TNFRSF10B: variants seen among roughly 807,000 people sequenced by gnomAD.
TNFRSF10B encodes TNF receptor superfamily member 10b.
Under a neutral mutation model 41.4 loss-of-function variants are expected in TNFRSF10B, and 35 were observed. That is an observed-to-expected ratio of 0.85 (90% CI 0.65 to 1.12). The LOEUF is 1.12. Ranked by LOEUF, TNFRSF10B falls within the 50% of genes most tolerant of loss-of-function variation. The probability of loss-of-function intolerance (pLI) is 0.00; values close to 1 mark genes in which losing one functional copy is unlikely to be tolerated. For missense variants in TNFRSF10B, 584 were observed against 552.7 expected, an observed-to-expected ratio of 1.06 and a Z score of -0.57; for synonymous variants, 230 against 215.5, an observed-to-expected ratio of 1.07 and a Z score of -0.59.
At chr8:23,063,635 C>T (rs575953431) in intron 1 of TNFRSF10B, among the ~76,000 whole-genome samples, 1 of 152,202 alleles carries the variant, frequency 6.6e-6, no homozygotes, top group South Asian at 2.1e-4. Context: ...TCATTTCCCT[C>T]AGATCTGCCT....
chr8:23,040,020 T>C (rs926227460), intron 2 of TNFRSF10B, among the ~76,000 whole-genome samples: 2 of 151,776 alleles, frequency 1.3e-5, no homozygotes, highest in Non-Finnish European at 2.9e-5. Context: ...GGTAAAACCC[T>C]GTCTCTGCTA....
chr8:23,033,805 G>A (rs562541521), intron 2 of TNFRSF10B, among the ~76,000 whole-genome samples: 4 of 151,880 alleles, frequency 2.6e-5, no homozygotes, highest in African/African-American at 7.3e-5. Flanking sequence ...CACCAGAAGA[G>A]GGGGGGAGAG....
In TNFRSF10B at chr8:23,028,400, C is replaced by T. The variant is rs774468297; in HGVS notation, c.679G>A (p.Val227Met). ...GVTVAAVVLI[V>M]AVFVCKSLLW... ...AAAGACTTGCAAACAAACACAGCCA[C>T]AATCAAGACTACGGCTGCAACTGTG... is the stretch of plus-strand genomic sequence containing the variant. Residue 227 changes from valine to methionine, a missense_variant, in exon 5 of 9, where the codon GTG (valine) becomes ATG (methionine). Physicochemically the swap from Val to Met is conservative, Grantham distance 21. Transcript: ENST00000276431. 6.8e-6 allele frequency: 11 copies of T among 1,614,184 alleles called. No individual in the cohort carries two copies. Among genetic ancestry groups the T allele is most frequent in the Admixed American group, 3.3e-5 (2 of 60,022 alleles).
chr8:23,028,060 G>A, intron 5 of TNFRSF10B: 1 of 602,588 alleles, frequency 1.7e-6, no homozygotes, highest in Non-Finnish European at 2.9e-6. Flanking sequence ...CCCCCTGCCT[G>A]GCTGGGCCTG....
At chr8:23,066,075 G>T (rs1420309071) in intron 1 of TNFRSF10B, among the ~76,000 whole-genome samples, 1 of 152,204 alleles carries the variant, frequency 6.6e-6, no homozygotes, top group Non-Finnish European at 1.5e-5. Flanking sequence ...TTGAGCGCAG[G>T]AGTTTGAGAC....
At chr8:23,030,943 G>A in intron 2 of TNFRSF10B, 71 bp from the exon 3 acceptor site, 5 of 1,107,354 alleles carry the variant, frequency 4.5e-6, no homozygotes, top group Non-Finnish European at 6.7e-6. Context: ...GGTGGCTGGG[G>A]GACTCCTCTT....
chr8:23,040,466 C>CAAAATATATATTTATTAAATATATATAT (rs748466642), intron 2 of TNFRSF10B, among the ~76,000 whole-genome samples: 5,836 of 65,752 alleles, frequency 0.089, 2,360 homozygotes, highest in South Asian at 0.43. Context: ...AATATATATA[C>CAAAATATATATTTATTAAATATATATAT]ACAAAATATA....
chr8:23,033,175 A>T (rs1279788539), intron 2 of TNFRSF10B, among the ~76,000 whole-genome samples: 4 of 152,228 alleles, frequency 2.6e-5, no homozygotes, highest in Admixed American at 2.0e-4. Context: ...TTCTTAGATA[A>T]ATGAAAGGTA....
intron 1 of TNFRSF10B, among the ~76,000 whole-genome samples, chr8:23,048,705 T>A (rs187632730): frequency 1.3e-5 from 2 of 152,366 alleles, no homozygotes; most frequent in Admixed American, 6.5e-5. Context: ...ACATATTAGC[T>A]GATTTAATTA....
chr8:23,052,348 C>T (rs372858767), intron 1 of TNFRSF10B, among the ~76,000 whole-genome samples: 121 of 144,616 alleles, frequency 8.4e-4, no homozygotes, highest in African/African-American at 2.8e-3. Flanking sequence ...TGCAGTGGCA[C>T]AATTACTGCT....
intron 7 of TNFRSF10B, among the ~76,000 whole-genome samples, chr8:23,024,796 G>T (rs1811650974): frequency 6.6e-6 from 1 of 152,008 alleles, no homozygotes; most frequent in African/African-American, 2.4e-5. Flanking sequence ...GCCTCCCAAA[G>T]TGCTGGGATT....
intron 4 of TNFRSF10B, 113 bp from the exon 5 acceptor site, chr8:23,028,715 G>A: frequency 1.5e-6 from 2 of 1,363,024 alleles, no homozygotes; most frequent in Non-Finnish European, 2.1e-6. Flanking sequence ...TCAGGGGAAG[G>A]ACAGTCTCCT....
At chr8:23,068,461 G>T (rs967363646) in intron 1 of TNFRSF10B, 13 of 520,538 alleles carry the variant, frequency 2.5e-5, no homozygotes, top group African/African-American at 1.8e-4. Context: ...CGACCTCTCC[G>T]TGGCTTCACG....
At chr8:23,041,603 TAA>T (rs199893473) in intron 2 of TNFRSF10B, among the ~76,000 whole-genome samples, 10,186 of 121,160 alleles carry the variant, frequency 0.084, 391 homozygotes, top group East Asian at 0.13. Flanking sequence ...CTCAATGATT[TAA>T]AAAAAAAAAA....
chr8:23,059,792 A>T (rs13275605), intron 1 of TNFRSF10B, among the ~76,000 whole-genome samples: 1 of 152,184 alleles, frequency 6.6e-6, no homozygotes, highest in Admixed American at 6.5e-5. Context: ...GATTACAGGC[A>T]TGAGCCACCG....
At chr8:23,039,111 G>A (rs550070933) in intron 2 of TNFRSF10B, among the ~76,000 whole-genome samples, 14 of 151,724 alleles carry the variant, frequency 9.2e-5, no homozygotes, top group Non-Finnish European at 1.6e-4. Flanking sequence ...CATAAGGAGT[G>A]CGCAACCTAG....
intron 7 of TNFRSF10B, 97 bp downstream of exon 7, chr8:23,027,036 C>T (rs1585206303): frequency 6.3e-7 from 1 of 1,588,496 alleles, no homozygotes; most frequent in Non-Finnish European, 8.6e-7. Flanking sequence ...TCCATTTCCC[C>T]TGGGCCAGGA....
rs182834878 is a variant in TNFRSF10B at position 23,048,343 on chromosome 8, G to A, written c.145-5100C>T. Among the ~76,000 whole-genome samples the A allele has an allele frequency of 6.3e-3, 952 of 151,802 alleles. 4 individuals carry two copies. The highest frequency in any genetic ancestry group is 0.021 in the African/African-American group (870 of 41,378). ...CCCAGCTACTCAGGAGGCTAAGGCA[G>A]GAGAATCACTTGAACCCGGGAGGCG... On this transcript the variant is annotated intron_variant, in intron 1 of 8. Transcript: ENST00000276431.
intron 1 of TNFRSF10B, among the ~76,000 whole-genome samples, chr8:23,046,688 C>T (rs1358081210): frequency 2.0e-5 from 3 of 149,576 alleles, no homozygotes; most frequent in African/African-American, 7.3e-5. Context: ...AGGCATCACA[C>T]TACCTGATTT....
Sources: allele counts gnomAD v4.1 joint callset (sites outside exome capture counted in the v4.1 genomes callset), GRCh38; gene constraint gnomAD v4.1.1; transcripts MANE v1.5; gene names NCBI Gene and HGNC (gene_info 2026-07-23, HGNC 2026-07-21).